Variants in CCDC192 observed in about 807,000 individuals in gnomAD.
CCDC192 encodes coiled-coil domain containing 192.
intron 5 of CCDC192, among the ~76,000 whole-genome samples, chr5:127,841,066 A>G (rs1750260825): frequency 1.3e-5 from 2 of 152,208 alleles, no homozygotes; most frequent in African/African-American, 2.4e-5. Flanking sequence ...GGTCCCAAAA[A>G]TTGAAATACT....
rs539389713 is a variant in CCDC192, at chr5:127,710,256, T to C, written c.114+2496T>C. 4.2e-4 allele frequency among the ~76,000 whole-genome samples: 64 copies of C among 152,330 alleles called. No individual in the cohort carries two copies. In the South Asian group the frequency reaches 0.013, roughly 31 times the overall value. On this transcript the variant is annotated intron_variant, in intron 2 of 6. Transcript: ENST00000514853. ...CCACAACGCAGTCTCTTTTAAGTCATGGAACTCACAGAGCACAGAACTCAG... is the reference window on the plus strand; with the variant it reads ...CCACAACGCAGTCTCTTTTAAGTCACGGAACTCACAGAGCACAGAACTCAG...
intron 5 of CCDC192, among the ~76,000 whole-genome samples, chr5:127,809,353 A>G (rs1365847132): frequency 1.3e-5 from 2 of 152,222 alleles, no homozygotes; most frequent in Admixed American, 1.3e-4. Context: ...TTCCCATGCA[A>G]TATAGCTGAA....
At chr5:127,738,791 T>C (rs1007688735) in intron 2 of CCDC192, among the ~76,000 whole-genome samples, 1 of 152,242 alleles carries the variant, frequency 6.6e-6, no homozygotes, top group African/African-American at 2.4e-5. Flanking sequence ...TCAGCTTCTT[T>C]AAGCACTTCT....
intron 3 of CCDC192, among the ~76,000 whole-genome samples, chr5:127,795,644 G>A (rs192452155): frequency 8.6e-5 from 13 of 151,950 alleles, no homozygotes; most frequent in African/African-American, 2.7e-4. Flanking sequence ...GCAATGGCGC[G>A]ATTTTGGCTC....
chr5:127,722,611 C>T (rs1752088561), intron 2 of CCDC192, among the ~76,000 whole-genome samples: 1 of 152,016 alleles, frequency 6.6e-6, no homozygotes, highest in African/African-American at 2.4e-5. Flanking sequence ...TTAAGTCTTT[C>T]ATCCATTTTG....
intron 2 of CCDC192, among the ~76,000 whole-genome samples, chr5:127,734,047 G>C (rs1331417774): frequency 6.7e-6 from 1 of 149,196 alleles, no homozygotes; most frequent in African/African-American, 2.5e-5. Flanking sequence ...TCTAGCATTA[G>C]GTATATCTCC....
chr5:127,767,140 C>T (rs1755273592), intron 3 of CCDC192, among the ~76,000 whole-genome samples: 1 of 152,172 alleles, frequency 6.6e-6, no homozygotes, highest in Non-Finnish European at 1.5e-5. Context: ...GAAGCCTGTA[C>T]CCTGTTCCAT....
chr5:127,915,127 G>A (rs533718799), intron 6 of CCDC192, among the ~76,000 whole-genome samples: 35 of 152,248 alleles, frequency 2.3e-4, no homozygotes, highest in African/African-American at 8.4e-4. Flanking sequence ...AATAAAGTGA[G>A]TCACATGATA....
At chr5:127,735,002 C>T (rs1752886633) in intron 2 of CCDC192, among the ~76,000 whole-genome samples, 2 of 138,974 alleles carry the variant, frequency 1.4e-5, no homozygotes, top group South Asian at 2.4e-4. Context: ...AGTCCTTGCC[C>T]ATGCCTATGT....
chr5:127,737,105 G>A (rs1390900235), intron 2 of CCDC192, among the ~76,000 whole-genome samples: 2 of 151,406 alleles, frequency 1.3e-5, no homozygotes, highest in African/African-American at 4.9e-5. Flanking sequence ...CTTTGAATGT[G>A]TCCCAGAGAT....
chr5:127,902,324 G>A (rs1341022352), intron 6 of CCDC192, among the ~76,000 whole-genome samples: 1 of 150,964 alleles, frequency 6.6e-6, no homozygotes, highest in African/African-American at 2.4e-5. Flanking sequence ...CATAATCTAG[G>A]CAGAACATAA....
At chr5:127,788,299 C>T (rs1271256729) in intron 3 of CCDC192, among the ~76,000 whole-genome samples, 1 of 152,116 alleles carries the variant, frequency 6.6e-6, no homozygotes, top group Non-Finnish European at 1.5e-5. Flanking sequence ...AAATTTTTGA[C>T]AACATCTATG....
chr5:127,757,827 G>T (rs1004651078), intron 3 of CCDC192, among the ~76,000 whole-genome samples: 2 of 148,708 alleles, frequency 1.3e-5, no homozygotes, highest in Admixed American at 6.7e-5. Flanking sequence ...CTCAATCTGT[G>T]TGTATGTGTG....
At chr5:127,935,577 T>C (rs1485867486) in intron 6 of CCDC192, 3 of 152,236 alleles carry the variant, frequency 2.0e-5, no homozygotes, top group African/African-American at 7.2e-5. Flanking sequence ...TCACACATTC[T>C]AGGTATGTTG....
intron 5 of CCDC192, among the ~76,000 whole-genome samples, chr5:127,856,121 T>C (rs1751079994): frequency 6.6e-6 from 1 of 152,230 alleles, no homozygotes; most frequent in Admixed American, 6.5e-5. Context: ...AAGGCTGTGT[T>C]GTCACCATTG....
intron 6 of CCDC192, among the ~76,000 whole-genome samples, chr5:127,912,419 CAAAAAA>C (rs60854127): frequency 2.1e-4 from 17 of 81,444 alleles, no homozygotes; most frequent in South Asian, 1.5e-3. Flanking sequence ...CTGGGTTTAG[CAAAAAA>C]AAAAAAAAAA....
chr5:127,870,951 G>A (rs1321576722), intron 5 of CCDC192, among the ~76,000 whole-genome samples: 1 of 152,162 alleles, frequency 6.6e-6, no homozygotes, highest in Non-Finnish European at 1.5e-5. Flanking sequence ...CTTCAATAGC[G>A]AGCATTTTGC....
At chr5:127,853,093 A>G (rs148930233) in intron 5 of CCDC192, among the ~76,000 whole-genome samples, 199 of 152,148 alleles carry the variant, frequency 1.3e-3, no homozygotes, top group African/African-American at 4.7e-3. Flanking sequence ...GTCTCAGAAA[A>G]AAAAAATTCT....
intron 3 of CCDC192, among the ~76,000 whole-genome samples, chr5:127,794,407 T>C (rs1757048936): frequency 2.0e-5 from 3 of 152,340 alleles, no homozygotes; most frequent in Non-Finnish European, 2.9e-5. Context: ...ATGGGAGCTA[T>C]AATAGAATGA....
Sources: gnomAD v4.1 joint callset for allele counts (sites outside exome capture counted in the v4.1 genomes callset) on GRCh38, gnomAD v4.1.1 for gene constraint, MANE v1.5 for transcripts, NCBI Gene and HGNC (gene_info 2026-07-23, HGNC 2026-07-21) for gene names.